FLRT1: variants seen among roughly 807,000 people sequenced by gnomAD.
The protein encoded by FLRT1 is leucine-rich repeat transmembrane protein FLRT1.
FLRT1 carries 14 observed loss-of-function variants against 30.9 expected under a neutral mutation model. That is an observed-to-expected ratio of 0.45 (90% CI 0.30 to 0.71). The LOEUF is 0.71. Ranked by LOEUF, FLRT1 falls within the 30% of genes least tolerant of loss-of-function variation. FLRT1 has a pLI of 0.08. For missense variants in FLRT1, 737 were observed against 949.2 expected (o/e 0.78, Z 2.94); for synonymous variants, 368 against 430.4 (o/e 0.85, Z 1.80).
chr11:64,101,217 C>T lies in FLRT1; in HGVS notation c.-1037-1977C>T, dbSNP rs1407551135. ...GTGAAGGGCCAGGCTGGAGCCAGCT[C>T]AGGGCATTAGTGGGCAGTAGTGGGA... On this transcript the variant is annotated intron_variant, in intron 1 of 2. Coordinates refer to ENST00000682287, the MANE Select transcript of FLRT1 (RefSeq NM_013280.5). 2.6e-5 allele frequency among the ~76,000 whole-genome samples: 4 copies of T among 152,030 alleles called. No homozygotes were observed. The South Asian group carries it at 8.3e-4, about 32-fold the overall frequency.
intron 1 of FLRT1, among the ~76,000 whole-genome samples, chr11:64,094,889 T>A (rs1442572000): frequency 2.0e-5 from 3 of 152,202 alleles, no homozygotes; most frequent in African/African-American, 4.8e-5. Flanking sequence ...TTTCGCCGAA[T>A]GTCCCATCTG....
chr11:64,069,728 C>T (rs1024406288), intron 1 of FLRT1, among the ~76,000 whole-genome samples: 1 of 152,168 alleles, frequency 6.6e-6, no homozygotes, highest in Non-Finnish European at 1.5e-5. Flanking sequence ...ACCCCCGGGC[C>T]CGGCCCCGGC....
rs2134627622 is a variant in FLRT1 at position 64,118,605 on chromosome 11, T to TC, written c.*313_*314insC. The TC allele has an allele frequency of 3.5e-6, 1 of 288,264 alleles. No individual in the cohort carries two copies. The highest frequency in any genetic ancestry group is 6.5e-5 in the East Asian group (1 of 15,352). 17.9% of individuals were successfully genotyped at this position (288,264 alleles called of 1,614,324 possible). A position where few individuals can be genotyped will look rare whatever the true frequency, so the allele number is the denominator to read the frequency against. ...CAGGGCTGGGTTGGGTTTTTTTTTTTTCCCCCCTGAACTGGAAGGATACTA... is the reference window on the plus strand; with the variant it reads ...CAGGGCTGGGTTGGGTTTTTTTTTTTCTCCCCCCTGAACTGGAAGGATACTA... On this transcript the variant is annotated 3_prime_UTR_variant, in exon 3 of 3. Transcript: ENST00000682287.
chr11:64,089,012 G>C (rs574251630), intron 1 of FLRT1, among the ~76,000 whole-genome samples: 2 of 152,146 alleles, frequency 1.3e-5, no homozygotes, highest in Admixed American at 6.5e-5. Context: ...GAAGCCACTG[G>C]GAGGGCCACT....
At position 64,087,759 on chromosome 11, in the gene FLRT1, G is replaced by T. The variant is rs575709080; in HGVS notation, c.-1037-15435G>T. 2.0e-5 allele frequency among the ~76,000 whole-genome samples: 3 copies of T among 152,372 alleles called. No homozygotes were observed. In the East Asian group the frequency reaches 5.8e-4, roughly 29 times the overall value. ...CCTGTCCACCCAGTACACAGAGCAC[G>T]CTGTGCACGTCTGAATGACCGGAGG... On this transcript the variant is annotated intron_variant, in intron 1 of 2. Coordinates refer to ENST00000682287, the MANE Select transcript of FLRT1 (RefSeq NM_013280.5).
At chr11:64,037,531 C>T (rs534912164) in intron 1 of FLRT1, among the ~76,000 whole-genome samples, 2 of 152,288 alleles carry the variant, frequency 1.3e-5, no homozygotes, top group East Asian at 3.9e-4. Context: ...GGGCCCGTGC[C>T]TGGGAGGGGA....
chr11:64,114,374 T>G (rs1944931255), intron 2 of FLRT1, among the ~76,000 whole-genome samples: 1 of 87,532 alleles, frequency 1.1e-5, no homozygotes, highest in African/African-American at 3.1e-5. Context: ...GGTGCATGTA[T>G]GAATGGATGG....
At chr11:64,054,900 CT>C (rs1343464907) in intron 1 of FLRT1, among the ~76,000 whole-genome samples, 1 of 152,142 alleles carries the variant, frequency 6.6e-6, no homozygotes, top group East Asian at 1.9e-4. Flanking sequence ...ACTACTCTTT[CT>C]GTCTTGGTGA....
intron 1 of FLRT1, chr11:64,087,182 G>A (rs1944409894): frequency 6.6e-6 from 1 of 152,268 alleles, no homozygotes; most frequent in Non-Finnish European, 1.5e-5. Context: ...ACGGTTCAGT[G>A]AGGTCTCCGA....
At chr11:64,093,974 G>A (rs895147765) in intron 1 of FLRT1, among the ~76,000 whole-genome samples, 12 of 152,222 alleles carry the variant, frequency 7.9e-5, no homozygotes, top group Non-Finnish European at 1.2e-4. Context: ...TAGAAAGCAC[G>A]GTGCCAGGGG....
intron 1 of FLRT1, among the ~76,000 whole-genome samples, chr11:64,097,606 G>A (rs1377077979): frequency 6.6e-6 from 1 of 152,264 alleles, no homozygotes; most frequent in African/African-American, 2.4e-5. Flanking sequence ...GAAAGTCTGG[G>A]TTTTGTCAGG....
chr11:64,065,182 G>A (rs1019242298), intron 1 of FLRT1, among the ~76,000 whole-genome samples: 2 of 152,202 alleles, frequency 1.3e-5, no homozygotes, highest in African/African-American at 4.8e-5. Context: ...GCAGGACAGA[G>A]TTTCAGGAAG....
intron 1 of FLRT1, among the ~76,000 whole-genome samples, chr11:64,047,814 T>C (rs1403171268): frequency 1.3e-5 from 2 of 151,326 alleles, no homozygotes; most frequent in African/African-American, 4.9e-5. Context: ...GGAGAATCGC[T>C]TGAACCTGGG....
chr11:64,073,834 C>T (rs557009855), intron 1 of FLRT1, among the ~76,000 whole-genome samples: 5 of 152,254 alleles, frequency 3.3e-5, no homozygotes, highest in East Asian at 1.9e-4. Flanking sequence ...GGGCCCACAG[C>T]CCCCAGAGCC....
At chr11:64,040,154 C>T (rs1943457769) in intron 1 of FLRT1, among the ~76,000 whole-genome samples, 1 of 152,244 alleles carries the variant, frequency 6.6e-6, no homozygotes, top group South Asian at 2.1e-4. Context: ...AGGGCGCTTC[C>T]AGTCAGATGT....
At position 64,040,391 on chromosome 11, in the gene FLRT1, C is replaced by T. The variant is rs529003285; in HGVS notation, c.-1038+4232C>T. Among the ~76,000 whole-genome samples the T allele has an allele frequency of 7.0e-4, 107 of 152,192 alleles. 1 individual carries two copies. The highest frequency in any genetic ancestry group is 1.9e-3 in the South Asian group (9 of 4,820). ...TGGATGGAGAGGGCTGCATGGAGAC[C>T]CCCGGCAGGAGGGCAGAGGGGCTCA... On this transcript the variant is annotated intron_variant, in intron 1 of 2. Coordinates refer to ENST00000682287, the MANE Select transcript of FLRT1 (RefSeq NM_013280.5).
In FLRT1 at chr11:64,117,032, G is replaced by C. The variant is rs1944997679; in HGVS notation, c.765G>C (p.Leu255=). Residue 255 remains leucine (L), a synonymous_variant, in exon 3 of 3, where the codon CTG becomes CTC. Coordinates refer to ENST00000682287, the MANE Select transcript of FLRT1 (RefSeq NM_013280.5). ...SRLQNLTELS[L]VRNSLAAPPL... ...TACAGAACCTCACAGAGCTCTCGCT[G>C]GTGCGCAATTCGCTGGCCGCGCCAC... The C allele has an allele frequency of 6.2e-7, 1 of 1,610,788 alleles. No individual in the cohort carries two copies. The highest frequency in any genetic ancestry group is 8.5e-7 in the Non-Finnish European group (1 of 1,178,946).
chr11:64,076,473 AATGG>A (rs905723942), intron 1 of FLRT1, among the ~76,000 whole-genome samples: 2 of 151,744 alleles, frequency 1.3e-5, no homozygotes, highest in Non-Finnish European at 2.9e-5. Context: ...CGGACGGACG[AATGG>A]ATGGATGGAC....
At chr11:64,098,740 A>G (rs999632109) in intron 1 of FLRT1, among the ~76,000 whole-genome samples, 1 of 152,168 alleles carries the variant, frequency 6.6e-6, no homozygotes, top group African/African-American at 2.4e-5. Context: ...CCTGCTTACA[A>G]TGATCTAAAC....
Sources: gnomAD v4.1 joint callset for allele counts (sites outside exome capture counted in the v4.1 genomes callset) on GRCh38, gnomAD v4.1.1 for gene constraint, MANE v1.5 for transcripts, NCBI Gene and HGNC (gene_info 2026-07-23, HGNC 2026-07-21) for gene names.